The following ANK3 variants were observed in gnomAD, a reference collection of about 807,000 sequenced individuals.
ANK3 encodes the protein ankyrin 3, also known as ankyrin-3.
ANK3 carries 57 observed loss-of-function variants against 370.9 expected under a neutral mutation model. The observed-to-expected ratio is 0.15, with a 90% CI of 0.12 to 0.19. The LOEUF is 0.19. Among genes scored for constraint, ANK3 ranks in the 10% least tolerant of loss-of-function variants. ANK3 has a pLI of 1.00. For missense variants in ANK3, 4,439 were observed against 5,302.1 expected (o/e 0.84, Z 5.06); for synonymous variants, 1,929 against 1,946.3 (o/e 0.99, Z 0.23).
chr10:60,359,176 G>C (rs1024024441), intron 1 of ANK3, among the ~76,000 whole-genome samples: 4 of 152,086 alleles, frequency 2.6e-5, no homozygotes, highest in Non-Finnish European at 5.9e-5. Context: ...CCTGATGTCT[G>C]CTTGCATGCC....
intron 1 of ANK3, chr10:60,615,339 T>C (rs956250767): frequency 1.0e-5 from 6 of 586,934 alleles, no homozygotes. Context: ...GTAAGTTCCT[T>C]AAAAGGGGAG....
At chr10:60,224,899 T>G (rs370754176) in intron 8 of ANK3, among the ~76,000 whole-genome samples, 1 of 151,410 alleles carries the variant, frequency 6.6e-6, no homozygotes, top group South Asian at 2.1e-4. Flanking sequence ...TCTTTTCTTT[T>G]TTTCTTTTTC....
At chr10:60,279,392 G>A (rs1216638890) in intron 2 of ANK3, 146 bp downstream of exon 2, 10 of 720,248 alleles carry the variant, frequency 1.4e-5, no homozygotes, top group Admixed American at 2.6e-5. Context: ...ATTTCTGAAT[G>A]TTCCTCTAAC....
At chr10:60,140,477 G>T (rs1231302220) in intron 23 of ANK3, 9 of 1,598,160 alleles carry the variant, frequency 5.6e-6, no homozygotes, top group Non-Finnish European at 8.5e-7. Context: ...TCCCTGGTTT[G>T]TATCCACTCT....
chr10:60,277,683 G>C (rs563753424), intron 4 of ANK3, among the ~76,000 whole-genome samples: 1 of 138,724 alleles, frequency 7.2e-6, no homozygotes, highest in African/African-American at 3.4e-5. Flanking sequence ...TACTGCCAGA[G>C]TGTGCCATGT....
chr10:60,243,808 T>C (rs2097512011), intron 7 of ANK3, among the ~76,000 whole-genome samples: 1 of 152,152 alleles, frequency 6.6e-6, no homozygotes, highest in Non-Finnish European at 1.5e-5. Flanking sequence ...AAAGTAAGCC[T>C]TGAAAGATAA....
At chr10:60,234,423 A>C (rs2097298425) in intron 8 of ANK3, among the ~76,000 whole-genome samples, 1 of 152,238 alleles carries the variant, frequency 6.6e-6, no homozygotes, top group African/African-American at 2.4e-5. Flanking sequence ...CGAACAGCTT[A>C]GCTTACAGTG....
chr10:60,499,275 T>A (rs564230149), intron 2 of ANK3, among the ~76,000 whole-genome samples: 1 of 152,322 alleles, frequency 6.6e-6, no homozygotes, highest in African/African-American at 2.4e-5. Context: ...ATCTTATTTA[T>A]AATACACCAT....
At chr10:60,288,920 A>G (rs1195352473) in intron 1 of ANK3, among the ~76,000 whole-genome samples, 1 of 151,736 alleles carries the variant, frequency 6.6e-6, no homozygotes, top group Admixed American at 6.6e-5. Context: ...ACACACACAC[A>G]CACACACGTC....
chr10:60,130,960 C>T (rs75515297), intron 25 of ANK3, among the ~76,000 whole-genome samples: 2,397 of 152,240 alleles, frequency 0.016, 68 homozygotes, highest in African/African-American at 0.054. Flanking sequence ...TACCCATGTA[C>T]CTTCCACCTG....
intron 1 of ANK3, among the ~76,000 whole-genome samples, chr10:60,620,457 T>A (rs1272026281): frequency 6.6e-6 from 1 of 152,164 alleles, no homozygotes; most frequent in Non-Finnish European, 1.5e-5. Context: ...ACCTCCATTT[T>A]ACATAAAAGG....
At chr10:60,675,165 C>T (rs150904788) in intron 1 of ANK3, among the ~76,000 whole-genome samples, 92 of 152,282 alleles carry the variant, frequency 6.0e-4, no homozygotes, top group African/African-American at 2.1e-3. Flanking sequence ...ATTTAAGTAA[C>T]ATTAAATAAA....
chr10:60,212,168 G>T (rs1174733441), intron 9 of ANK3, among the ~76,000 whole-genome samples: 5 of 152,084 alleles, frequency 3.3e-5, no homozygotes, highest in Admixed American at 3.3e-4. Context: ...GAAAAAATAT[G>T]AGCAACTCTC....
chr10:60,102,305 G>A (rs956131144), intron 28 of ANK3, among the ~76,000 whole-genome samples: 2 of 151,838 alleles, frequency 1.3e-5, no homozygotes, highest in African/African-American at 4.8e-5. Flanking sequence ...CAACTTACAC[G>A]GCAGTTGTGA....
chr10:60,583,647 G>A (rs961061574), intron 2 of ANK3, among the ~76,000 whole-genome samples: 2 of 151,572 alleles, frequency 1.3e-5, no homozygotes, highest in African/African-American at 2.4e-5. Flanking sequence ...GCAGTGGCAC[G>A]ATCTTGGCTC....
intron 23 of ANK3, among the ~76,000 whole-genome samples, chr10:60,147,171 T>G (rs1366942308): frequency 6.6e-6 from 1 of 152,188 alleles, no homozygotes; most frequent in African/African-American, 2.4e-5. Flanking sequence ...AGGAGGTTCC[T>G]GCATGTAGCC....
In ANK3 at chr10:60,175,550, T is replaced by A. The variant is rs142655634; in HGVS notation, c.2185-2364A>T. Among the ~76,000 whole-genome samples the A allele has an allele frequency of 3.2e-3, 495 of 152,356 alleles. 3 individuals carry two copies. The highest frequency in any genetic ancestry group is 4.9e-3 in the Non-Finnish European group (333 of 68,036). On this transcript the variant is annotated intron_variant, in intron 18 of 43. Transcript: ENST00000280772. ...ACTGATAACATCATTACAAGCTGAT[T>A]AGGTTTTTCCTTCCTTCCTTTGGGC... is the stretch of plus-strand genomic sequence containing the variant.
intron 25 of ANK3, among the ~76,000 whole-genome samples, chr10:60,119,957 A>C (rs1044339631): frequency 3.3e-5 from 5 of 152,194 alleles, no homozygotes; most frequent in Admixed American, 1.3e-4. Context: ...AAATTTAAAA[A>C]AAAATCCTAA....
chr10:60,138,797 A>G, intron 24 of ANK3, 167 bp downstream of exon 24: 2 of 850,156 alleles, frequency 2.4e-6, no homozygotes, highest in Non-Finnish European at 3.5e-6. Context: ...GCAAACCACA[A>G]AAGAAAATAG....
Sources: gnomAD v4.1 joint callset for allele counts (sites outside exome capture counted in the v4.1 genomes callset) on GRCh38, gnomAD v4.1.1 for gene constraint, MANE v1.5 for transcripts, NCBI Gene and HGNC (gene_info 2026-07-23, HGNC 2026-07-21) for gene names.